ARMC9: variants seen among roughly 807,000 people sequenced by gnomAD.
The protein encoded by ARMC9 is armadillo repeat containing 9.
A neutral mutation model predicts 107.0 loss-of-function variants in ARMC9; 94 were observed. The ratio of observed to expected loss-of-function variants is 0.88; its 90% CI spans 0.74 to 1.04. ARMC9 has a LOEUF of 1.04. Among genes scored for constraint, ARMC9 ranks in the 50% least tolerant of loss-of-function variants. The probability of loss-of-function intolerance (pLI) is 0.00; values close to 1 mark genes in which losing one functional copy is unlikely to be tolerated. For synonymous variants in ARMC9, 380 were observed against 396.9 expected (o/e 0.96, Z 0.51); for missense variants, 942 against 1,030.1 (o/e 0.91, Z 1.17).
rs2045961039 is a variant in ARMC9 at position 231,370,135 on chromosome 2, C to T, written c.2434+10C>T. 1.3e-6 allele frequency: 2 copies of T among 1,510,684 alleles called. No individual in the cohort carries two copies. Among genetic ancestry groups the T allele is most frequent in the South Asian group, 1.2e-5 (1 of 81,698 alleles). The allele number at this position is 1,510,684 out of a possible 1,614,324, so 93.6% of individuals were successfully genotyped here. A position where few individuals can be genotyped will look rare whatever the true frequency, so the allele number is the denominator to read the frequency against. On this transcript the variant is annotated intron_variant, in intron 24 of 24. Coordinates refer to ENST00000611582, the MANE Select transcript of ARMC9 (RefSeq NM_001352754.2). Reference sequence around the variant, plus strand: ...ACAAGGGGCCTGCCGAGTAAGTCAGCCTGGGCCCCACTGGCGTGGGAGCCT... The same window carrying T: ...ACAAGGGGCCTGCCGAGTAAGTCAGTCTGGGCCCCACTGGCGTGGGAGCCT...
At chr2:231,352,570 C>A (rs146362807) in intron 21 of ARMC9, among the ~76,000 whole-genome samples, 14 of 150,564 alleles carry the variant, frequency 9.3e-5, no homozygotes, top group African/African-American at 3.2e-4. Context: ...GTGATCCGCC[C>A]GCCTTGGCTT....
chr2:231,290,920 G>A (rs2040941962), intron 17 of ARMC9, among the ~76,000 whole-genome samples: 1 of 145,472 alleles, frequency 6.9e-6, no homozygotes. Context: ...CAAAACTTAA[G>A]GCAATATTGT....
chr2:231,231,728 G>A (rs113929169), intron 7 of ARMC9, among the ~76,000 whole-genome samples: 2,700 of 150,872 alleles, frequency 0.018, 82 homozygotes, highest in African/African-American at 0.063. Flanking sequence ...TGGCTTTGTC[G>A]CCCAGCATGG....
At position 231,362,244 on chromosome 2, in the gene ARMC9, C is replaced by T. The variant is rs2045618313; in HGVS notation, c.2261+1361C>T. On this transcript the variant is annotated intron_variant, in intron 23 of 24. Transcript: ENST00000611582. This position sits in a 1 kb window ranked among gnomAD's most constrained non-coding sequence, Gnocchi z 4.7. ...AGGGGTTCTCAGGCTCTCAGCATCC[C>T]CCTGAAATGGGGACTCAAAATGAGA... Among the ~76,000 whole-genome samples the T allele has an allele frequency of 6.6e-6, 1 of 152,144 alleles. No homozygotes were observed.
rs2041462230 is a variant in ARMC9, at chr2:231,297,601, T to G, written c.1773+1348T>G. ...GCTAAAAATTTGAATTTCATACAAT[T>G]TTTGCATGTCATTAAATATTCTTTC... On this transcript the variant is annotated intron_variant, in intron 19 of 24. Transcript: ENST00000611582. The surrounding 1 kb of genome is among the most constrained non-coding windows in gnomAD (Gnocchi z 4.2). Among the ~76,000 whole-genome samples, 1 of 152,168 alleles carries G rather than the reference T, an allele frequency of 6.6e-6. No individual in the cohort carries two copies. The highest frequency in any genetic ancestry group is 1.5e-5 in the Non-Finnish European group (1 of 68,032).
At chr2:231,206,704 G>A (rs796836599) in intron 2 of ARMC9, among the ~76,000 whole-genome samples, 11 of 152,180 alleles carry the variant, frequency 7.2e-5, no homozygotes, top group African/African-American at 2.4e-4. Context: ...GCCTATGATC[G>A]GCCCTAGACA....
chr2:231,317,209 C>T (rs866149898), intron 19 of ARMC9, among the ~76,000 whole-genome samples: 23 of 150,824 alleles, frequency 1.5e-4, no homozygotes, highest in African/African-American at 4.4e-4. Flanking sequence ...CTCATTCTGT[C>T]GCCCAGGCTG....
chr2:231,256,446 T>TAA (rs376282515), intron 9 of ARMC9, 140 bp from the exon 10 acceptor site: 101 of 954,408 alleles, frequency 1.1e-4, no homozygotes, highest in African/African-American at 1.3e-4. Flanking sequence ...TGTTTCAAGT[T>TAA]AAAAAAAAAA....
intron 19 of ARMC9, among the ~76,000 whole-genome samples, chr2:231,327,063 A>C (rs1164418551): frequency 1.3e-5 from 2 of 152,110 alleles, no homozygotes; most frequent in Non-Finnish European, 2.9e-5. Flanking sequence ...CATAGCCAGC[A>C]GCTTCCCTCT....
chr2:231,249,464 A>G (rs1007689454), intron 9 of ARMC9, among the ~76,000 whole-genome samples: 5 of 152,064 alleles, frequency 3.3e-5, no homozygotes, highest in African/African-American at 1.2e-4. Flanking sequence ...CTAGTCACCA[A>G]GAGCTGTCCC....
At chr2:231,215,913 A>G (rs756062454) in intron 4 of ARMC9, among the ~76,000 whole-genome samples, 1 of 152,210 alleles carries the variant, frequency 6.6e-6, no homozygotes, top group Non-Finnish European at 1.5e-5. Flanking sequence ...TGGGGGTCAA[A>G]AGAGGGCTCA....
rs1198885344 is a variant in ARMC9, at chr2:231,322,649, C to T, written c.1774-9144C>T. Among the ~76,000 whole-genome samples the T allele has an allele frequency of 3.3e-5, 5 of 152,276 alleles. No individual in the cohort carries two copies. The East Asian group carries it at 9.7e-4, about 29-fold the overall frequency. The stretch of plus-strand genomic sequence containing the variant: ...GTAATGTCATAAGGTCACCAAGCTG[C>T]CATGGGGAAGCTTCGCATTAGGACA... On this transcript the variant is annotated intron_variant, in intron 19 of 24. Coordinates refer to ENST00000611582, the MANE Select transcript of ARMC9 (RefSeq NM_001352754.2).
At chr2:231,369,167 C>T (rs1015334775) in intron 23 of ARMC9, among the ~76,000 whole-genome samples, 5 of 152,244 alleles carry the variant, frequency 3.3e-5, no homozygotes, top group East Asian at 1.9e-4. Context: ...CGTGCAATCA[C>T]CATCTGGAGA....
intron 1 of ARMC9, among the ~76,000 whole-genome samples, chr2:231,199,625 G>A (rs2030439139): frequency 6.6e-6 from 1 of 152,164 alleles, no homozygotes; most frequent in African/African-American, 2.4e-5. Context: ...CACATTGCCT[G>A]GCATACCATA....
intron 14 of ARMC9, among the ~76,000 whole-genome samples, chr2:231,273,299 C>T (rs2039495616): frequency 6.6e-6 from 1 of 152,192 alleles, no homozygotes; most frequent in South Asian, 2.1e-4. Flanking sequence ...ATTGGATTTT[C>T]CTAATGGACA....
intron 19 of ARMC9, among the ~76,000 whole-genome samples, chr2:231,327,252 T>C (rs1373652888): frequency 6.6e-6 from 1 of 152,216 alleles, no homozygotes; most frequent in Non-Finnish European, 1.5e-5. Flanking sequence ...ATGCTCGTTT[T>C]TTAATTTTTA....
chr2:231,220,279 T>G (rs557745121), intron 5 of ARMC9, among the ~76,000 whole-genome samples: 1 of 152,152 alleles, frequency 6.6e-6, no homozygotes. Flanking sequence ...TCTCATTCCT[T>G]CCTGTCTTTT....
chr2:231,204,623 C>T (rs547819081), intron 1 of ARMC9, among the ~76,000 whole-genome samples: 23 of 152,000 alleles, frequency 1.5e-4, no homozygotes, highest in South Asian at 1.5e-3. Context: ...CACAGGGGAA[C>T]ACCTGTCAGG....
At chr2:231,211,033 C>T (rs187184858) in intron 3 of ARMC9, among the ~76,000 whole-genome samples, 38 of 152,294 alleles carry the variant, frequency 2.5e-4, no homozygotes, top group Admixed American at 4.6e-4. Flanking sequence ...GCTTATTTCA[C>T]TCAGCATAAT....
Sources: allele counts gnomAD v4.1 joint callset (sites outside exome capture counted in the v4.1 genomes callset), GRCh38; gene constraint gnomAD v4.1.1; non-coding constraint Gnocchi (gnomAD v3.1); transcripts MANE v1.5; gene names NCBI Gene and HGNC (gene_info 2026-07-23, HGNC 2026-07-21).